The following CAPN14 variants were observed in gnomAD, a reference collection of about 807,000 sequenced individuals.
CAPN14 encodes the protein calpain-14.
A neutral mutation model predicts 101.3 loss-of-function variants in CAPN14; 94 were observed. The observed-to-expected ratio is 0.93, with a 90% CI of 0.79 to 1.10. CAPN14 has a LOEUF of 1.10. Ranked by LOEUF, CAPN14 falls within the 50% of genes least tolerant of loss-of-function variation. The pLI, the probability that CAPN14 is intolerant of heterozygous loss-of-function variation, is 0.00. For missense variants in CAPN14, 837 were observed against 828.4 expected (o/e 1.01, Z -0.13); for synonymous variants, 338 against 317.9 (o/e 1.06, Z -0.67).
chr2:31,215,668 T>G (rs1467459027), intron 1 of CAPN14, among the ~76,000 whole-genome samples: 16 of 151,936 alleles, frequency 1.1e-4, no homozygotes, highest in Admixed American at 1.0e-3. Flanking sequence ...CTCACACTCA[T>G]GAACTGGGGA....
chr2:31,219,346 C>G (rs1365029974), upstream of CAPN14, among the ~76,000 whole-genome samples: 1 of 152,216 alleles, frequency 6.6e-6, no homozygotes, highest in East Asian at 1.9e-4. Context: ...TCATACATCC[C>G]TTCCCCAGGC....
chr2:31,219,660 T>A (rs1050653612), upstream of CAPN14, among the ~76,000 whole-genome samples: 71 of 152,252 alleles, frequency 4.7e-4, no homozygotes, highest in Admixed American at 4.4e-3. Flanking sequence ...AAGAGGGAAA[T>A]GCATTCCTCG....
At chr2:31,227,314 T>A (rs914589014) in intron 1 of CAPN14, among the ~76,000 whole-genome samples, 4 of 152,220 alleles carry the variant, frequency 2.6e-5, no homozygotes, top group Admixed American at 2.6e-4. Context: ...GACAGCCGCA[T>A]TCCAGCAATT....
intron 6 of CAPN14, among the ~76,000 whole-genome samples, chr2:31,200,213 C>T (rs1681682502): frequency 6.6e-6 from 1 of 152,154 alleles, no homozygotes; most frequent in Non-Finnish European, 1.5e-5. Flanking sequence ...CCATATTGGC[C>T]AGGCTGATCT....
chr2:31,224,367 G>A (rs1682957417), intron 2 of CAPN14, among the ~76,000 whole-genome samples: 2 of 152,046 alleles, frequency 1.3e-5, no homozygotes, highest in African/African-American at 4.8e-5. Flanking sequence ...GCTTTGCTTT[G>A]GTAGAATATT....
intron 2 of CAPN14, among the ~76,000 whole-genome samples, chr2:31,225,074 T>A (rs1682980122): frequency 6.6e-6 from 1 of 151,954 alleles, no homozygotes; most frequent in Admixed American, 6.6e-5. Context: ...GACAAAAGAT[T>A]AATAAATGTC....
In CAPN14 at chr2:31,198,845, C is replaced by T. The variant is rs143633076; in HGVS notation, c.789+625G>A. 3.7e-3 allele frequency among the ~76,000 whole-genome samples: 559 copies of T among 152,308 alleles called. 7 individuals are homozygous for T. Among genetic ancestry groups the T allele is most frequent in the South Asian group, 0.036 (176 of 4,824 alleles). On this transcript the variant is annotated intron_variant, in intron 7 of 21. Coordinates refer to ENST00000403897, the MANE Select transcript of CAPN14 (RefSeq NM_001145122.2). ...TCGCCCCGTGCAAATCTATCCATTA[C>T]AAGGACCAACCCAACATCACCTCCT...
intron 1 of CAPN14, among the ~76,000 whole-genome samples, chr2:31,207,349 C>T (rs142442089): frequency 6.6e-6 from 1 of 152,192 alleles, no homozygotes; most frequent in Non-Finnish European, 1.5e-5. Flanking sequence ...TGTCTTGGTG[C>T]TTCTCAAATT....
chr2:31,233,555 C>T (rs557369968), intron 1 of CAPN14, among the ~76,000 whole-genome samples: 17 of 152,298 alleles, frequency 1.1e-4, no homozygotes, highest in African/African-American at 3.6e-4. Context: ...TCTCTGTATC[C>T]ACAGTCACCA....
chr2:31,193,079 A>AC (rs1414606166), intron 10 of CAPN14, 52 bp downstream of exon 10: 1 of 1,493,044 alleles, frequency 6.7e-7, no homozygotes, highest in South Asian at 1.3e-5. Flanking sequence ...TCATTCTGAC[A>AC]CCCCCGCCCA....
In CAPN14 at chr2:31,193,292, A is replaced by G; in HGVS notation, c.953T>C (p.Met318Thr). Residue 318 changes from methionine (M) to threonine (T), a missense_variant and splice_region_variant, in exon 10 of 22, where the codon ATG becomes ACG. Physicochemically the swap from Met to Thr is moderately conservative, Grantham distance 81. Coordinates refer to ENST00000403897, the MANE Select transcript of CAPN14 (RefSeq NM_001145122.2). ...LRKDNDGEFW[M>T]TLQDFKTHFV... ...ATGTGTTTTAAAGTCCTGCAGCGTC[A>G]TCCTGTGGAGAGAAGAAGGAAAAGC... 6.4e-7 allele frequency: 1 copy of G among 1,551,638 alleles called. No homozygotes were observed. The highest frequency in any genetic ancestry group is 8.7e-7 in the Non-Finnish European group (1 of 1,146,994).
At chr2:31,178,376 A>G in intron 18 of CAPN14, 135 bp downstream of exon 18, 2 of 688,504 alleles carry the variant, frequency 2.9e-6, no homozygotes, top group Non-Finnish European at 2.5e-6. Flanking sequence ...GGAAATGCTC[A>G]CCGAAGGGAG....
intron 1 of CAPN14, among the ~76,000 whole-genome samples, chr2:31,208,537 C>T (rs147871234): frequency 2.0e-5 from 3 of 152,334 alleles, no homozygotes; most frequent in Non-Finnish European, 4.4e-5. Flanking sequence ...AGGTTCCTCT[C>T]ACCCTCCAAA....
At chr2:31,219,786 A>G (rs779287735), upstream of CAPN14, among the ~76,000 whole-genome samples, 1 of 152,234 alleles carries the variant, frequency 6.6e-6, no homozygotes, top group Non-Finnish European at 1.5e-5. Flanking sequence ...CTGGGACTCA[A>G]TCATGTGAAA....
At chr2:31,216,689 AC>A (rs1411418163) in intron 1 of CAPN14, among the ~76,000 whole-genome samples, 11 of 151,998 alleles carry the variant, frequency 7.2e-5, no homozygotes, top group African/African-American at 2.4e-4. Context: ...AAACATTGTC[AC>A]CCTGTGCCTC....
chr2:31,210,482 T>C (rs1485708567), intron 1 of CAPN14, among the ~76,000 whole-genome samples: 1 of 105,304 alleles, frequency 9.5e-6, no homozygotes, highest in Non-Finnish European at 2.1e-5. Flanking sequence ...TAAAATAAAA[T>C]AAAATAAAAG....
intron 12 of CAPN14, 97 bp downstream of exon 12, chr2:31,191,302 A>C: frequency 8.5e-7 from 1 of 1,180,700 alleles, no homozygotes; most frequent in South Asian, 1.5e-5. Context: ...CTTCTTACGC[A>C]GTAGAAGCCT....
chr2:31,227,990 C>A (rs901803158), intron 1 of CAPN14, among the ~76,000 whole-genome samples: 1 of 152,122 alleles, frequency 6.6e-6, no homozygotes, highest in African/African-American at 2.4e-5. Context: ...TGAGTGGGTG[C>A]CCACCAGGCA....
intron 5 of CAPN14, among the ~76,000 whole-genome samples, 153 bp from the exon 6 acceptor site, chr2:31,200,778 C>G (rs565237977): frequency 1.3e-5 from 2 of 152,234 alleles, no homozygotes; most frequent in South Asian, 4.2e-4. Flanking sequence ...AATACCATAC[C>G]CATCCTGAAT....
Sources: allele counts gnomAD v4.1 joint callset (sites outside exome capture counted in the v4.1 genomes callset), GRCh38; gene constraint gnomAD v4.1.1; transcripts MANE v1.5; gene names NCBI Gene and HGNC (gene_info 2026-07-23, HGNC 2026-07-21).